The following GRIK1 variants were observed in gnomAD, a reference collection of about 807,000 sequenced individuals.
GRIK1 encodes the protein glutamate receptor ionotropic, kainate 1.
Under a neutral mutation model 105.7 loss-of-function variants are expected in GRIK1, and 69 were observed. The observed-to-expected ratio is 0.65, with a 90% CI of 0.54 to 0.80. The LOEUF is 0.80. Among genes scored for constraint, GRIK1 ranks in the 30% least tolerant of loss-of-function variants. GRIK1 has a pLI of 0.00. For synonymous variants in GRIK1, 438 were observed against 431.3 expected (o/e 1.02, Z -0.19); for missense variants, 1,109 against 1,167.3 (o/e 0.95, Z 0.73).
chr21:29,595,861 G>T (rs2061403025), intron 9 of GRIK1, among the ~76,000 whole-genome samples: 1 of 152,090 alleles, frequency 6.6e-6, no homozygotes, highest in Non-Finnish European at 1.5e-5. Context: ...ACATTCATTG[G>T]CAACATGGCA....
intron 1 of GRIK1, among the ~76,000 whole-genome samples, chr21:29,910,572 G>T (rs1188348533): frequency 6.6e-6 from 1 of 152,054 alleles, no homozygotes; most frequent in East Asian, 1.9e-4. Context: ...ATTCAATTGG[G>T]ATTATAGGAA....
At chr21:29,562,214 T>A (rs560604275) in intron 14 of GRIK1, among the ~76,000 whole-genome samples, 2 of 152,310 alleles carry the variant, frequency 1.3e-5, no homozygotes, top group Admixed American at 1.3e-4. Flanking sequence ...TAAGTTTCAA[T>A]CCTTGATCTA....
At chr21:29,560,413 CTT>C (rs1448879659) in intron 15 of GRIK1, among the ~76,000 whole-genome samples, 1 of 120,860 alleles carries the variant, frequency 8.3e-6, no homozygotes, top group Admixed American at 8.9e-5. Flanking sequence ...TTCTTTCTTT[CTT>C]TCTTTCTTTC....
intron 7 of GRIK1, among the ~76,000 whole-genome samples, chr21:29,611,446 G>A (rs191833395): frequency 6.6e-6 from 1 of 152,080 alleles, no homozygotes. Context: ...CATCCAGATG[G>A]TTCCTTCATT....
At chr21:29,717,543 T>C (rs2064208979) in intron 1 of GRIK1, among the ~76,000 whole-genome samples, 1 of 152,270 alleles carries the variant, frequency 6.6e-6, no homozygotes, top group African/African-American at 2.4e-5. Context: ...TTAGGTTTAA[T>C]GACTGCCTTA....
intron 1 of GRIK1, among the ~76,000 whole-genome samples, chr21:29,889,142 AT>A (rs1187767962): frequency 6.6e-6 from 1 of 152,202 alleles, no homozygotes; most frequent in African/African-American, 2.4e-5. Context: ...TATACCAGAC[AT>A]TTTTGACAAC....
chr21:29,544,118 G>C (rs1342639282), intron 16 of GRIK1, among the ~76,000 whole-genome samples: 1 of 152,078 alleles, frequency 6.6e-6, no homozygotes, highest in African/African-American at 2.4e-5. Context: ...TCCTAAATGA[G>C]CTCTTTAAAC....
intron 1 of GRIK1, among the ~76,000 whole-genome samples, chr21:29,785,561 C>CA (rs950219193): frequency 0.13 from 7,218 of 56,596 alleles, 456 homozygotes; most frequent in East Asian, 0.23. Flanking sequence ...GAGACTGTCT[C>CA]AAAAAAAAAA....
chr21:29,858,338 C>G (rs464803), intron 1 of GRIK1, among the ~76,000 whole-genome samples: 51,013 of 152,036 alleles, frequency 0.34, 9,581 homozygotes, highest in African/African-American at 0.51. Context: ...CCCATGAAAC[C>G]CAGTGCATGT....
At chr21:29,932,878 G>A (rs2071617543) in intron 1 of GRIK1, among the ~76,000 whole-genome samples, 1 of 150,524 alleles carries the variant, frequency 6.6e-6, no homozygotes, top group South Asian at 2.1e-4. Context: ...AGTCTAATAT[G>A]AATTTTCAAT....
chr21:29,737,861 G>A (rs942643456), intron 1 of GRIK1, among the ~76,000 whole-genome samples: 19 of 152,246 alleles, frequency 1.2e-4, no homozygotes, highest in African/African-American at 4.6e-4. Flanking sequence ...AGTCTGGGAA[G>A]TATTTTACAT....
At chr21:29,623,555 T>C (rs2062055552) in intron 7 of GRIK1, among the ~76,000 whole-genome samples, 1 of 152,204 alleles carries the variant, frequency 6.6e-6, no homozygotes, top group African/African-American at 2.4e-5. Flanking sequence ...ACTTTGTTAT[T>C]TGTGTTTATT....
chr21:29,860,153 G>T (rs2068591383), intron 1 of GRIK1, among the ~76,000 whole-genome samples: 1 of 152,172 alleles, frequency 6.6e-6, no homozygotes, highest in South Asian at 2.1e-4. Context: ...GAGACCAATA[G>T]CATACGAGTA....
Position 29,689,756 on chromosome 21 carries a change from T to A in GRIK1, c.516A>T (p.Thr172=), listed in dbSNP as rs772016739. The part of the protein sequence containing the change: ...LDLVLYYNWK[T]VTVVYEDSTG... ...TGCTGTCTTCATACACCACTGTCAC[T>A]GTTTTCCAGTTGTAATAGAGGACCA... Residue 172 remains threonine, a synonymous_variant, in exon 3 of 18, where the codon ACA becomes ACT. Coordinates refer to ENST00000327783, the MANE Select transcript of GRIK1 (RefSeq NM_001330994.2). 14 of 1,614,044 alleles carry A rather than the reference T, an allele frequency of 8.7e-6. No homozygotes were observed. The East Asian group carries it at 2.9e-4, about 33-fold the overall frequency.
chr21:29,851,002 A>G lies in GRIK1; in HGVS notation c.118+88381T>C, dbSNP rs188934075. Reference sequence around the variant, plus strand: ...TTACTGTCAGTCTGTACAAACTCTTAGCTTATTTGCTTTACAGATCAGTCT... The same window carrying G: ...TTACTGTCAGTCTGTACAAACTCTTGGCTTATTTGCTTTACAGATCAGTCT... On this transcript the variant is annotated intron_variant, in intron 1 of 17. Coordinates refer to ENST00000327783, the MANE Select transcript of GRIK1 (RefSeq NM_001330994.2). Among the ~76,000 whole-genome samples, 19 of 152,128 alleles carry G rather than the reference A, an allele frequency of 1.2e-4. No homozygotes were observed. The East Asian group carries it at 2.9e-3, about 23-fold the overall frequency.
At chr21:29,886,752 C>A (rs1352548750) in intron 1 of GRIK1, among the ~76,000 whole-genome samples, 1 of 152,066 alleles carries the variant, frequency 6.6e-6, no homozygotes, top group Admixed American at 6.6e-5. Flanking sequence ...GAACTCTAGG[C>A]AAATTTGACA....
At chr21:29,655,621 A>G (rs1308072920) in intron 4 of GRIK1, among the ~76,000 whole-genome samples, 1 of 152,150 alleles carries the variant, frequency 6.6e-6, no homozygotes, top group Non-Finnish European at 1.5e-5. Flanking sequence ...TGGTATGTAG[A>G]TATGTTTAAA....
At chr21:29,757,588 C>A (rs551812031) in intron 1 of GRIK1, among the ~76,000 whole-genome samples, 1 of 152,158 alleles carries the variant, frequency 6.6e-6, no homozygotes, top group Non-Finnish European at 1.5e-5. Flanking sequence ...AAAAGATTGT[C>A]GGCATGAGGA....
intron 1 of GRIK1, among the ~76,000 whole-genome samples, chr21:29,807,033 A>G (rs1244180996): frequency 6.6e-6 from 1 of 152,170 alleles, no homozygotes; most frequent in African/African-American, 2.4e-5. Context: ...CTTGATTCAG[A>G]TACAGGTCTC....
Sources: allele counts gnomAD v4.1 joint callset (sites outside exome capture counted in the v4.1 genomes callset), GRCh38; gene constraint gnomAD v4.1.1; transcripts MANE v1.5; gene names NCBI Gene and HGNC (gene_info 2026-07-23, HGNC 2026-07-21).